Variants in RBMS3 observed in about 807,000 individuals in gnomAD.
RBMS3 encodes RNA-binding motif, single-stranded-interacting protein 3.
In RBMS3, 27 loss-of-function variants were observed where a neutral mutation model predicts 66.8. That is an observed-to-expected ratio of 0.40 (90% CI 0.30 to 0.56). The LOEUF is 0.56. RBMS3 is among the 20% of genes least tolerant of loss of function. The pLI is 0.40. For missense variants in RBMS3, 513 were observed against 549.5 expected, an observed-to-expected ratio of 0.93 and a Z score of 0.66; for synonymous variants, 188 against 183.0, an observed-to-expected ratio of 1.03 and a Z score of -0.22.
chr3:29,950,452 A>AC (rs750071072), intron 12 of RBMS3, among the ~76,000 whole-genome samples: 1 of 151,878 alleles, frequency 6.6e-6, no homozygotes, highest in African/African-American at 2.4e-5. Flanking sequence ...GAATCAGCAC[A>AC]TCTGGTACTG....
intron 4 of RBMS3, among the ~76,000 whole-genome samples, chr3:29,651,728 T>G (rs1162140368): frequency 6.6e-6 from 1 of 152,162 alleles, no homozygotes; most frequent in Non-Finnish European, 1.5e-5. Context: ...ATATAAATCC[T>G]ATTACTACAA....
rs779555263 is a variant in RBMS3 at position 29,497,973 on chromosome 3, A to ATTTTTTTTTTTTTTTTT, written c.307+9495_307+9511dup. Among the ~76,000 whole-genome samples the ATTTTTTTTTTTTTTTTT allele has an allele frequency of 4.8e-4, 21 of 43,438 alleles. 5 individuals are homozygous for ATTTTTTTTTTTTTTTTT. Among genetic ancestry groups the ATTTTTTTTTTTTTTTTT allele is most frequent in the East Asian group, 3.0e-3 (4 of 1,330 alleles). 28.5% of individuals were successfully genotyped at this position (43,438 alleles called of 152,430 possible). A position where few individuals can be genotyped will look rare whatever the true frequency, so the allele number is the denominator to read the frequency against. Reference sequence around the variant, plus strand: ...TCAGAGTTATTCTCTAAAAGTATTCATTTTTTTTTTTTTTTTTTTTTTTTT... The same window carrying ATTTTTTTTTTTTTTTTT: ...TCAGAGTTATTCTCTAAAAGTATTCATTTTTTTTTTTTTTTTTTTTTTTTTTTTTTTTTTTTTTTTTT... On this transcript the variant is annotated intron_variant, in intron 3 of 14. Transcript: ENST00000383767.
rs954073600 is a variant in RBMS3 at position 30,005,403 on chromosome 3, G to T, written c.*1541G>T. Reference sequence around the variant, plus strand: ...TTGAATAGTGAAACCTGTATTGATGGCCACTAGTAAACCAAGATGCTTATT... The same window carrying T: ...TTGAATAGTGAAACCTGTATTGATGTCCACTAGTAAACCAAGATGCTTATT... On this transcript the variant is annotated 3_prime_UTR_variant, in exon 15 of 15. Transcript: ENST00000383767. The T allele has an allele frequency of 5.9e-5, 9 of 151,748 alleles. No individual in the cohort carries two copies. The highest frequency in any genetic ancestry group is 1.0e-4 in the Non-Finnish European group (7 of 67,794). 9.4% of individuals were successfully genotyped at this position (151,748 alleles called of 1,614,324 possible).
At chr3:29,543,794 G>C (rs890047124) in intron 3 of RBMS3, among the ~76,000 whole-genome samples, 4 of 152,108 alleles carry the variant, frequency 2.6e-5, no homozygotes, top group African/African-American at 9.7e-5. Flanking sequence ...CTTAAGGTGT[G>C]TTCTGTAACC....
intron 1 of RBMS3, among the ~76,000 whole-genome samples, chr3:29,360,305 C>T (rs2037497419): frequency 6.6e-6 from 1 of 151,774 alleles, no homozygotes; most frequent in Non-Finnish European, 1.5e-5. Flanking sequence ...TCGTTATGTA[C>T]CCAGTAGTCA....
chr3:29,980,426 CTTTAG>C (rs1267360974), intron 12 of RBMS3, among the ~76,000 whole-genome samples: 3 of 152,164 alleles, frequency 2.0e-5, no homozygotes, highest in African/African-American at 4.8e-5. Flanking sequence ...TGCAGAAACT[CTTTAG>C]TTTAATTAGA....
chr3:29,289,533 A>G (rs1010740803), intron 1 of RBMS3, among the ~76,000 whole-genome samples: 1 of 151,940 alleles, frequency 6.6e-6, no homozygotes, highest in South Asian at 2.1e-4. Flanking sequence ...CTAATATTAT[A>G]AAAGCATAAA....
At chr3:29,486,816 G>T (rs992696526) in intron 2 of RBMS3, among the ~76,000 whole-genome samples, 1 of 152,082 alleles carries the variant, frequency 6.6e-6, no homozygotes, top group Admixed American at 6.6e-5. Flanking sequence ...AGTTTAGAAG[G>T]TTCTTATATA....
intron 4 of RBMS3, among the ~76,000 whole-genome samples, chr3:29,661,192 A>G (rs2050532070): frequency 6.6e-6 from 1 of 152,136 alleles, no homozygotes; most frequent in African/African-American, 2.4e-5. Flanking sequence ...CCTTCAACAT[A>G]CTTCAGAGTT....
chr3:29,484,525 A>G (rs1320924150), intron 2 of RBMS3, among the ~76,000 whole-genome samples: 1 of 152,164 alleles, frequency 6.6e-6, no homozygotes, highest in Non-Finnish European at 1.5e-5. Context: ...CTGTCTCCAA[A>G]TACAGTCACA....
At chr3:29,398,153 C>T (rs2039642134) in intron 1 of RBMS3, among the ~76,000 whole-genome samples, 1 of 152,128 alleles carries the variant, frequency 6.6e-6, no homozygotes, top group African/African-American at 2.4e-5. Context: ...ACAGACTCCT[C>T]ATCCATCAAA....
chr3:29,698,565 A>T (rs2052383706), intron 4 of RBMS3: 1 of 985,312 alleles, frequency 1.0e-6, no homozygotes, highest in Admixed American at 6.1e-5. Flanking sequence ...AGTATTTCAT[A>T]ACAAAATGAG....
intron 1 of RBMS3, among the ~76,000 whole-genome samples, chr3:29,413,319 A>C (rs1162666821): frequency 6.6e-6 from 1 of 152,156 alleles, no homozygotes; most frequent in South Asian, 2.1e-4. Flanking sequence ...CAGTGAGCTG[A>C]GATCGTGCCA....
intron 3 of RBMS3, among the ~76,000 whole-genome samples, chr3:29,582,392 G>A (rs1264884052): frequency 4.6e-5 from 7 of 152,118 alleles, no homozygotes; most frequent in South Asian, 2.1e-4. Flanking sequence ...TCTACTTCCC[G>A]CTAATTGCAG....
At chr3:29,383,242 G>T (rs961976592) in intron 1 of RBMS3, among the ~76,000 whole-genome samples, 2 of 152,164 alleles carry the variant, frequency 1.3e-5, no homozygotes, top group Admixed American at 6.5e-5. Context: ...TATGTTTTTT[G>T]ATCATAAGAA....
intron 14 of RBMS3, among the ~76,000 whole-genome samples, chr3:30,000,935 TAGTTGATG>T (rs1227910426): frequency 6.6e-6 from 1 of 151,986 alleles, no homozygotes; most frequent in East Asian, 1.9e-4. Context: ...ATACCTAATG[TAGTTGATG>T]GGTTGATGGG....
chr3:29,613,510 T>G (rs918370355), intron 4 of RBMS3, among the ~76,000 whole-genome samples: 1 of 152,156 alleles, frequency 6.6e-6, no homozygotes, highest in African/African-American at 2.4e-5. Context: ...ACACAGAATA[T>G]TTGTTTGTCT....
chr3:29,817,192 C>CTTTTTTTTTTTTTTTTTTTTTTTTTTTT (rs373365962), intron 6 of RBMS3, among the ~76,000 whole-genome samples: 1 of 127,226 alleles, frequency 7.9e-6, no homozygotes, highest in African/African-American at 3.2e-5. Context: ...ATTTTCTTTT[C>CTTTTTTTTTTTTTTTTTTTTTTTTTTTT]TTTTTTTTTT....
intron 12 of RBMS3, among the ~76,000 whole-genome samples, chr3:29,956,866 C>A (rs919857449): frequency 6.6e-6 from 1 of 152,068 alleles, no homozygotes; most frequent in African/African-American, 2.4e-5. Flanking sequence ...GCCTGTGCAA[C>A]AAGGCCCTTC....
Sources: allele counts gnomAD v4.1 joint callset (sites outside exome capture counted in the v4.1 genomes callset), GRCh38; gene constraint gnomAD v4.1.1; transcripts MANE v1.5; gene names NCBI Gene and HGNC (gene_info 2026-07-23, HGNC 2026-07-21).